The following MVB12B variants were observed in gnomAD, a reference collection of about 807,000 sequenced individuals.
MVB12B encodes ESCRT-I complex subunit MVB12B.
In MVB12B, 16 loss-of-function variants were observed where a neutral mutation model predicts 41.6. The observed-to-expected ratio is 0.38, with a 90% CI of 0.26 to 0.58. The LOEUF (loss-of-function observed/expected upper bound fraction) is 0.58, where lower values mean the gene tolerates loss of function less well. Among genes scored for constraint, MVB12B ranks in the 20% least tolerant of loss-of-function variants. The pLI, the probability that MVB12B is intolerant of heterozygous loss-of-function variation, is 0.62. For synonymous variants in MVB12B, 133 were observed against 139.7 expected, an observed-to-expected ratio of 0.95 and a Z score of 0.34; for missense variants, 274 against 380.2, an observed-to-expected ratio of 0.72 and a Z score of 2.32.
chr9:126,440,772 T>C (rs1832614650), intron 7 of MVB12B, among the ~76,000 whole-genome samples: 1 of 152,180 alleles, frequency 6.6e-6, no homozygotes, highest in South Asian at 2.1e-4. Context: ...ACTAAATTGG[T>C]TTGTTATAAA....
At chr9:126,382,055 ATTTAT>A (rs1178036876) in intron 3 of MVB12B, among the ~76,000 whole-genome samples, 5 of 149,548 alleles carry the variant, frequency 3.3e-5, no homozygotes, top group Admixed American at 2.0e-4. Flanking sequence ...AAATATTTTT[ATTTAT>A]TTATATAAAT....
chr9:126,333,050 G>C lies in MVB12B; in HGVS notation c.81+6040G>C, dbSNP rs573007109. Among the ~76,000 whole-genome samples, 3 of 152,286 alleles carry C rather than the reference G, an allele frequency of 2.0e-5. No individual in the cohort carries two copies. The South Asian group carries it at 6.2e-4, about 32-fold the overall frequency. On this transcript the variant is annotated intron_variant, in intron 1 of 9. Transcript: ENST00000361171. This position sits in a 1 kb window ranked among gnomAD's most constrained non-coding sequence, Gnocchi z 4.7. ...GCACCTGTCTGACTGGGAAATTGGA[G>C]AAAGTTTGAGGGGAATGGAAGATGT...
intron 7 of MVB12B, among the ~76,000 whole-genome samples, chr9:126,432,097 C>T (rs1832345060): frequency 6.6e-6 from 1 of 152,210 alleles, no homozygotes; most frequent in Admixed American, 6.5e-5. Context: ...CCAAACACTG[C>T]CTTGACTGTA....
chr9:126,423,984 G>T (rs1215755393), intron 7 of MVB12B, among the ~76,000 whole-genome samples: 1 of 152,222 alleles, frequency 6.6e-6, no homozygotes, highest in Non-Finnish European at 1.5e-5. Flanking sequence ...TGCTGATAAT[G>T]AAATGAATCA....
At chr9:126,335,874 C>T (rs1009798508) in intron 1 of MVB12B, among the ~76,000 whole-genome samples, 1 of 152,250 alleles carries the variant, frequency 6.6e-6, no homozygotes, top group East Asian at 1.9e-4. Context: ...CTGGTTTTGT[C>T]ATTTCAATTA....
intron 3 of MVB12B, among the ~76,000 whole-genome samples, chr9:126,384,158 T>A (rs974191033): frequency 2.0e-5 from 3 of 152,136 alleles, no homozygotes; most frequent in African/African-American, 7.2e-5. Flanking sequence ...GTTTGCAAGT[T>A]AGGTTAACAG....
chr9:126,352,937 A>T (rs1321118763), intron 2 of MVB12B, among the ~76,000 whole-genome samples: 1 of 152,246 alleles, frequency 6.6e-6, no homozygotes, highest in African/African-American at 2.4e-5. Context: ...TTACTCCTTA[A>T]AGTATGGAAG....
At position 126,381,138 on chromosome 9, in the gene MVB12B, C is replaced by T. The variant is rs1830624468; in HGVS notation, c.279C>T (p.Tyr93=). 2 of 1,614,032 alleles carry T rather than the reference C, an allele frequency of 1.2e-6. No individual in the cohort carries two copies. The highest frequency in any genetic ancestry group is 1.7e-6 in the Non-Finnish European group (2 of 1,179,912). Residue 93 remains tyrosine (Y), a synonymous_variant, in exon 3 of 10, where the codon TAC becomes TAT. Transcript: ENST00000361171. The part of the protein sequence containing the change: ...DGLFKSKVTR[Y]LCFTRSFSKE... ...TATTTAAATCCAAGGTTACCAGATA[C>T]CTGTGTTTCACAAGATCATTTTCCA...
intron 2 of MVB12B, among the ~76,000 whole-genome samples, chr9:126,372,473 C>G (rs1279901329): frequency 1.3e-5 from 2 of 152,170 alleles, no homozygotes; most frequent in Non-Finnish European, 2.9e-5. Context: ...GTGGCTGCAC[C>G]CTGTTACAAT....
Position 126,505,818 on chromosome 9 carries a change from A to C in MVB12B, c.*2555A>C, listed in dbSNP as rs564180931. On this transcript the variant is annotated 3_prime_UTR_variant, in exon 10 of 10. Transcript: ENST00000361171. ...GTCTTTTGGGAGAGTACTTTTCTCC[A>C]CGAGCCCTCTGGCCACTGTGGGAGG... The C allele has an allele frequency of 5.3e-5, 8 of 152,170 alleles. No homozygotes were observed. Among genetic ancestry groups the C allele is most frequent in the Non-Finnish European group, 1.2e-4 (8 of 68,034 alleles). The allele number at this position is 152,170 out of a possible 1,614,324, so 9.4% of individuals were successfully genotyped here.
chr9:126,424,117 C>G (rs1832103963), intron 7 of MVB12B, among the ~76,000 whole-genome samples: 1 of 152,188 alleles, frequency 6.6e-6, no homozygotes, highest in South Asian at 2.1e-4. Context: ...ATTACTGCTC[C>G]CTTAGTGTTC....
intron 7 of MVB12B, among the ~76,000 whole-genome samples, chr9:126,463,259 G>A (rs10819162): frequency 0.26 from 40,224 of 151,968 alleles, 5,427 homozygotes; most frequent in Middle Eastern, 0.33. Context: ...AGTTCTAAGG[G>A]CTCCCATCCT....
Position 126,436,509 on chromosome 9 carries a change from A to C in MVB12B, c.757+14561A>C, listed in dbSNP as rs2119127288. 6.6e-6 allele frequency among the ~76,000 whole-genome samples: 1 copy of C among 152,378 alleles called. No individual in the cohort carries two copies. The highest frequency in any genetic ancestry group is 2.1e-4 in the South Asian group (1 of 4,828). ...TGAAAAAGTCTGCCACTTAGTATAA[A>C]AGTGAAAAGGTTACGTGTACTAGTT... On this transcript the variant is annotated intron_variant, in intron 7 of 9. Coordinates refer to ENST00000361171, the MANE Select transcript of MVB12B (RefSeq NM_033446.3). This position sits in a 1 kb window ranked among gnomAD's most constrained non-coding sequence, Gnocchi z 4.1.
At chr9:126,359,293 T>C (rs192934337) in intron 2 of MVB12B, among the ~76,000 whole-genome samples, 1 of 152,292 alleles carries the variant, frequency 6.6e-6, no homozygotes, top group African/African-American at 2.4e-5. Flanking sequence ...TTTAATATAT[T>C]GTTAGATTCA....
chr9:126,353,752 A>G (rs1048869136), intron 2 of MVB12B, among the ~76,000 whole-genome samples: 1 of 152,116 alleles, frequency 6.6e-6, no homozygotes, highest in Non-Finnish European at 1.5e-5. Flanking sequence ...ATGTTTCCCT[A>G]CTGTAGAATA....
intron 9 of MVB12B, among the ~76,000 whole-genome samples, chr9:126,493,228 T>C (rs1269495189): frequency 1.2e-4 from 18 of 152,134 alleles, no homozygotes. Flanking sequence ...TTCAACTACT[T>C]AATCCATCTG....
intron 2 of MVB12B, among the ~76,000 whole-genome samples, chr9:126,363,964 G>A (rs1830094745): frequency 6.6e-6 from 1 of 152,188 alleles, no homozygotes; most frequent in East Asian, 1.9e-4. Flanking sequence ...TGTGTACTGA[G>A]CCCCATGAGG....
chr9:126,387,470 T>C (rs1369244341), intron 4 of MVB12B, among the ~76,000 whole-genome samples: 1 of 152,242 alleles, frequency 6.6e-6, no homozygotes, highest in Middle Eastern at 3.2e-3. Context: ...TCTTTCATAA[T>C]TAGCCCCACT....
intron 1 of MVB12B, among the ~76,000 whole-genome samples, chr9:126,330,678 C>T (rs756924608): frequency 2.0e-5 from 3 of 152,208 alleles, no homozygotes; most frequent in Non-Finnish European, 4.4e-5. Context: ...GCATTATGCA[C>T]ATTCACACTG....
Sources: gnomAD v4.1 joint callset for allele counts (sites outside exome capture counted in the v4.1 genomes callset) on GRCh38, gnomAD v4.1.1 for gene constraint, Gnocchi (gnomAD v3.1) non-coding constraint, MANE v1.5 for transcripts, NCBI Gene and HGNC (gene_info 2026-07-23, HGNC 2026-07-21) for gene names.